Variants in PRKAG2 observed in about 807,000 individuals in gnomAD.
PRKAG2 encodes 5'-AMP-activated protein kinase subunit gamma-2.
In PRKAG2, 26 loss-of-function variants were observed where a neutral mutation model predicts 69.6. That is an observed-to-expected ratio of 0.37 (90% confidence interval 0.27 to 0.52). PRKAG2 has a LOEUF of 0.52. PRKAG2 is among the 20% of genes least tolerant of loss of function. The probability of loss-of-function intolerance (pLI) is 0.90; values close to 1 mark genes in which losing one functional copy is unlikely to be tolerated. For synonymous variants in PRKAG2, 293 were observed against 285.0 expected (o/e 1.03, Z -0.28); for missense variants, 557 against 740.0 (o/e 0.75, Z 2.87).
chr7:151,713,364 C>G (rs1297235197), intron 3 of PRKAG2, among the ~76,000 whole-genome samples: 1 of 152,118 alleles, frequency 6.6e-6, no homozygotes, highest in Non-Finnish European at 1.5e-5. Flanking sequence ...TAGGACGCAC[C>G]CCGGCTTGCA....
At chr7:151,796,357 G>T (rs1460802876) in intron 1 of PRKAG2, among the ~76,000 whole-genome samples, 1 of 152,172 alleles carries the variant, frequency 6.6e-6, no homozygotes, top group South Asian at 2.1e-4. Flanking sequence ...GGACAAAGAC[G>T]GATGTGAAGG....
chr7:151,609,045 C>G (rs1035856046), intron 5 of PRKAG2, among the ~76,000 whole-genome samples: 1 of 152,000 alleles, frequency 6.6e-6, no homozygotes, highest in East Asian at 1.9e-4. Flanking sequence ...AGTGAAACAG[C>G]ATTGATCTAA....
intron 4 of PRKAG2, among the ~76,000 whole-genome samples, chr7:151,669,882 T>TGCACACACACCTGCATGCACATACC (rs1831617399): frequency 1.4e-5 from 1 of 73,164 alleles, no homozygotes; most frequent in South Asian, 4.2e-4. Context: ...GCACACACAG[T>TGCACACACACCTGCATGCACATACC]TGCATGCACA....
intron 3 of PRKAG2, among the ~76,000 whole-genome samples, chr7:151,726,254 C>T (rs570897431): frequency 4.0e-5 from 6 of 151,326 alleles, no homozygotes; most frequent in African/African-American, 1.5e-4. Context: ...AGGCAAAGCA[C>T]CTGCGTGTGC....
At chr7:151,821,691 A>G (rs1281342330) in intron 1 of PRKAG2, among the ~76,000 whole-genome samples, 1 of 152,178 alleles carries the variant, frequency 6.6e-6, no homozygotes, top group East Asian at 1.9e-4. Context: ...CGTCCTGAGC[A>G]CACCATGAAG....
intron 6 of PRKAG2, among the ~76,000 whole-genome samples, chr7:151,587,211 C>CA (rs1811904377): frequency 6.6e-6 from 1 of 152,122 alleles, no homozygotes; most frequent in South Asian, 2.1e-4. Flanking sequence ...TGGCATTATT[C>CA]AAAATCACAT....
intron 1 of PRKAG2, among the ~76,000 whole-genome samples, chr7:151,803,496 T>A (rs2077947314): frequency 6.6e-6 from 1 of 152,096 alleles, no homozygotes; most frequent in South Asian, 2.1e-4. Flanking sequence ...TCTCACCCAT[T>A]TATATCCTAC....
At chr7:151,724,847 C>A (rs1279921371) in intron 3 of PRKAG2, among the ~76,000 whole-genome samples, 1 of 152,078 alleles carries the variant, frequency 6.6e-6, no homozygotes, top group Admixed American at 6.5e-5. Context: ...AGAAAGCACC[C>A]CCCGAGCCTA....
intron 3 of PRKAG2, among the ~76,000 whole-genome samples, chr7:151,752,867 G>A (rs1384754182): frequency 2.6e-5 from 4 of 152,248 alleles, no homozygotes; most frequent in Admixed American, 2.6e-4. Context: ...CCTGACTGGT[G>A]ACAAGGGGGA....
chr7:151,661,665 AC>A (rs924910418), intron 4 of PRKAG2, among the ~76,000 whole-genome samples: 3 of 152,230 alleles, frequency 2.0e-5, no homozygotes, highest in African/African-American at 7.2e-5. Context: ...AGAGTCCTGC[AC>A]GAAGCCTCCA....
chr7:151,571,316 A>T (rs931360090), intron 9 of PRKAG2, among the ~76,000 whole-genome samples: 1 of 151,616 alleles, frequency 6.6e-6, no homozygotes, highest in Non-Finnish European at 1.5e-5. Context: ...CAGGTGATCC[A>T]CCCGCCTCGG....
chr7:151,705,766 A>C (rs73158180), intron 3 of PRKAG2, among the ~76,000 whole-genome samples: 35,660 of 152,052 alleles, frequency 0.23, 4,671 homozygotes, highest in Non-Finnish European at 0.3. Context: ...TCCTAGAGCA[A>C]GAGTGTTGAC....
chr7:151,834,758 C>T (rs2079110485), intron 1 of PRKAG2, among the ~76,000 whole-genome samples: 1 of 152,220 alleles, frequency 6.6e-6, no homozygotes, highest in Non-Finnish European at 1.5e-5. Context: ...TGCCGCCCCT[C>T]CCCATCGCTG....
chr7:151,558,044 C>T (rs1804145773), intron 15 of PRKAG2: 6 of 985,186 alleles, frequency 6.1e-6, no homozygotes, highest in African/African-American at 1.7e-5. Flanking sequence ...AGACGCTAGA[C>T]CCCTGAAAGA....
chr7:151,613,475 T>G (rs1443110240), intron 5 of PRKAG2, among the ~76,000 whole-genome samples: 1 of 152,096 alleles, frequency 6.6e-6, no homozygotes, highest in Admixed American at 6.5e-5. Context: ...TCTGAAACAT[T>G]CCCAGTCCCG....
At chr7:151,679,067 G>C (rs1833415545) in intron 3 of PRKAG2, among the ~76,000 whole-genome samples, 1 of 152,108 alleles carries the variant, frequency 6.6e-6, no homozygotes, top group African/African-American at 2.4e-5. Context: ...GGAAGAGGAA[G>C]AGTGGGAAGG....
chr7:151,709,605 T>C (rs1839219200), intron 3 of PRKAG2, among the ~76,000 whole-genome samples: 1 of 152,174 alleles, frequency 6.6e-6, no homozygotes, highest in Non-Finnish European at 1.5e-5. Context: ...CATGTGATAC[T>C]GAATGACGAG....
chr7:151,578,542 G>T (rs1809545499), intron 6 of PRKAG2, among the ~76,000 whole-genome samples: 1 of 152,200 alleles, frequency 6.6e-6, no homozygotes, highest in Non-Finnish European at 1.5e-5. Flanking sequence ...AGAATATAGG[G>T]ACTACTGGTG....
At chr7:151,746,981 T>C (rs1329387533) in intron 3 of PRKAG2, among the ~76,000 whole-genome samples, 1 of 152,222 alleles carries the variant, frequency 6.6e-6, no homozygotes, top group African/African-American at 2.4e-5. Context: ...TTACTCTTTT[T>C]AACCACACAT....
Sources: allele counts gnomAD v4.1 joint callset (sites outside exome capture counted in the v4.1 genomes callset), GRCh38; gene constraint gnomAD v4.1.1; transcripts MANE v1.5; gene names NCBI Gene and HGNC (gene_info 2026-07-23, HGNC 2026-07-21).